The following TMEM132C variants were observed in gnomAD, a reference collection of about 807,000 sequenced individuals.
TMEM132C encodes transmembrane protein 132C.
A neutral mutation model predicts 61.4 loss-of-function variants in TMEM132C; 29 were observed. The ratio of observed to expected loss-of-function variants is 0.47; its 90% confidence interval spans 0.35 to 0.64. The LOEUF (loss-of-function observed/expected upper bound fraction) is 0.64. Ranked by LOEUF, TMEM132C falls within the 30% of genes least tolerant of loss-of-function variation. TMEM132C has a pLI of 0.00. For missense variants in TMEM132C, 1,408 were observed against 1,476.9 expected (o/e 0.95, Z 0.76); for synonymous variants, 656 against 633.1 (o/e 1.04, Z -0.54).
intron 2 of TMEM132C, among the ~76,000 whole-genome samples, chr12:128,525,978 A>G (rs1023930101): frequency 5.9e-5 from 9 of 152,356 alleles, no homozygotes; most frequent in African/African-American, 2.2e-4. Flanking sequence ...CATTGGGAGC[A>G]GAAAAGAGAC....
chr12:128,678,984 T>A (rs1052268628), intron 5 of TMEM132C, among the ~76,000 whole-genome samples: 14 of 152,216 alleles, frequency 9.2e-5, no homozygotes, highest in Non-Finnish European at 1.6e-4. Flanking sequence ...CTGTCACTTA[T>A]CTTCTGAGTG....
At chr12:128,471,651 G>T (rs1870958096) in intron 2 of TMEM132C, among the ~76,000 whole-genome samples, 1 of 152,060 alleles carries the variant, frequency 6.6e-6, no homozygotes, top group Non-Finnish European at 1.5e-5. Flanking sequence ...AGACTGCTTG[G>T]GTGTAATACA....
At chr12:128,402,684 A>C (rs970132616) in intron 1 of TMEM132C, among the ~76,000 whole-genome samples, 11 of 152,084 alleles carry the variant, frequency 7.2e-5, no homozygotes, top group Admixed American at 5.2e-4. Flanking sequence ...CAGGTGGAGG[A>C]TGTGGAGGAA....
At chr12:128,578,105 A>T (rs999460173) in intron 3 of TMEM132C, among the ~76,000 whole-genome samples, 1 of 152,270 alleles carries the variant, frequency 6.6e-6, no homozygotes, top group Admixed American at 6.5e-5. Context: ...AAAGCCAACC[A>T]TAAAAATAAA....
Position 128,381,027 on chromosome 12 carries a change from A to G in TMEM132C, c.86-33705A>G, listed in dbSNP as rs1162745382. ...ACACTAGACAGTGCTTTATTCCTACACTTAGGGGATGTTTGAAACAGCAAA... is the reference window on the plus strand; with the variant it reads ...ACACTAGACAGTGCTTTATTCCTACGCTTAGGGGATGTTTGAAACAGCAAA... On this transcript the variant is annotated intron_variant, in intron 1 of 8. Coordinates refer to ENST00000435159, the MANE Select transcript of TMEM132C (RefSeq NM_001136103.3). 2.0e-5 allele frequency among the ~76,000 whole-genome samples: 3 copies of G among 152,200 alleles called. No individual in the cohort carries two copies. The East Asian group carries it at 5.8e-4, about 29-fold the overall frequency.
At chr12:128,296,746 T>A (rs1343040215) in intron 1 of TMEM132C, among the ~76,000 whole-genome samples, 1 of 152,174 alleles carries the variant, frequency 6.6e-6, no homozygotes, top group Non-Finnish European at 1.5e-5. Context: ...GGCAATAAAG[T>A]CAAGAGTAGG....
rs529780648 is a variant in TMEM132C, at chr12:128,515,792, G to A, written c.975-28165G>A. Among the ~76,000 whole-genome samples the A allele has an allele frequency of 7.9e-5, 12 of 151,832 alleles. No homozygotes were observed. In the South Asian group the frequency reaches 2.3e-3, roughly 29 times the overall value. On this transcript the variant is annotated intron_variant, in intron 2 of 8. Transcript: ENST00000435159. ...GGAGTTTGCAGTGAGCCGAGATGGT[G>A]CCACTGCACTCCAGCGTGGACGACA...
At chr12:128,455,816 G>A (rs530356343) in intron 2 of TMEM132C, among the ~76,000 whole-genome samples, 19 of 152,298 alleles carry the variant, frequency 1.2e-4, no homozygotes, top group African/African-American at 4.6e-4. Flanking sequence ...CTTACGGGCT[G>A]TGGGGGAGCC....
At chr12:128,378,432 A>T (rs10082732) in intron 1 of TMEM132C, among the ~76,000 whole-genome samples, 1,932 of 109,834 alleles carry the variant, frequency 0.018, 33 homozygotes, top group African/African-American at 0.052. Context: ...AGATTTTTTT[A>T]AAAAAATTAA....
intron 1 of TMEM132C, among the ~76,000 whole-genome samples, chr12:128,315,219 T>C (rs1458780241): frequency 1.3e-5 from 2 of 152,030 alleles, no homozygotes; most frequent in Admixed American, 6.5e-5. Flanking sequence ...CAAGAGAGCT[T>C]GGAGCTTTCA....
chr12:128,607,304 G>C (rs1876463938), intron 3 of TMEM132C, among the ~76,000 whole-genome samples: 2 of 152,164 alleles, frequency 1.3e-5, no homozygotes, highest in Non-Finnish European at 2.9e-5. Flanking sequence ...GGTGAGGGTG[G>C]GTGGCACCAG....
At chr12:128,513,070 G>C (rs533038455) in intron 2 of TMEM132C, among the ~76,000 whole-genome samples, 2 of 152,306 alleles carry the variant, frequency 1.3e-5, no homozygotes, top group Admixed American at 6.5e-5. Flanking sequence ...GTGAGGAGAA[G>C]CAGCTCAGAA....
chr12:128,398,196 A>G (rs1875029571), intron 1 of TMEM132C, among the ~76,000 whole-genome samples: 1 of 152,246 alleles, frequency 6.6e-6, no homozygotes, highest in African/African-American at 2.4e-5. Flanking sequence ...CTCCAGCTTC[A>G]GGCACTGCTG....
At chr12:128,600,080 T>C (rs1433547579) in intron 3 of TMEM132C, among the ~76,000 whole-genome samples, 2 of 152,166 alleles carry the variant, frequency 1.3e-5, no homozygotes, top group East Asian at 3.8e-4. Context: ...CCTCCCGGGT[T>C]CACGCCATTC....
chr12:128,330,135 G>A (rs753468514), intron 1 of TMEM132C, among the ~76,000 whole-genome samples: 2 of 152,148 alleles, frequency 1.3e-5, no homozygotes, highest in Non-Finnish European at 2.9e-5. Context: ...GCCCACAGGT[G>A]TCTCTGCAAG....
intron 2 of TMEM132C, among the ~76,000 whole-genome samples, chr12:128,443,643 A>T (rs970230661): frequency 6.6e-6 from 1 of 152,122 alleles, no homozygotes; most frequent in South Asian, 2.1e-4. Context: ...CTCTCTCTGG[A>T]TGGCTCTGAT....
At chr12:128,625,519 G>T (rs966069031) in intron 4 of TMEM132C, among the ~76,000 whole-genome samples, 1 of 152,176 alleles carries the variant, frequency 6.6e-6, no homozygotes, top group African/African-American at 2.4e-5. Flanking sequence ...TCACAATCAT[G>T]GTGGAAGGCA....
At chr12:128,272,088 A>G (rs1248409192) in intron 1 of TMEM132C, among the ~76,000 whole-genome samples, 1 of 152,200 alleles carries the variant, frequency 6.6e-6, no homozygotes, top group East Asian at 1.9e-4. Flanking sequence ...GTATAGTTCT[A>G]AGTTTCGACA....
intron 1 of TMEM132C, among the ~76,000 whole-genome samples, chr12:128,386,448 T>C (rs1466800953): frequency 3.3e-5 from 5 of 152,182 alleles, no homozygotes; most frequent in Non-Finnish European, 7.3e-5. Flanking sequence ...TCCCTTTCCG[T>C]TGGGCTTCCC....
Sources: gnomAD v4.1 joint callset for allele counts (sites outside exome capture counted in the v4.1 genomes callset) on GRCh38, gnomAD v4.1.1 for gene constraint, MANE v1.5 for transcripts, NCBI Gene and HGNC (gene_info 2026-07-23, HGNC 2026-07-21) for gene names.